Variants in ZNF727 observed in about 807,000 individuals in gnomAD.
ZNF727 encodes the protein zinc finger protein 727, also known as putative zinc finger protein 727.
Under a neutral mutation model 11.5 loss-of-function variants are expected in ZNF727, and 11 were observed. The observed-to-expected ratio is 0.95, with a 90% CI of 0.60 to 1.58. The LOEUF (loss-of-function observed/expected upper bound fraction) is 1.58, where lower values mean the gene tolerates loss of function less well. Among genes scored for constraint, ZNF727 ranks in the 40% most tolerant of loss-of-function variants. ZNF727 has a pLI of 0.00. For missense variants in ZNF727, 533 were observed against 581.7 expected (o/e 0.92, Z 0.86); for synonymous variants, 171 against 196.1 (o/e 0.87, Z 1.07).
Position 64,069,003 on chromosome 7 carries a change from A to G in ZNF727, c.116A>G (p.Asn39Ser). 5 of 1,603,036 alleles carry G rather than the reference A, an allele frequency of 3.1e-6. No homozygotes were observed. The highest frequency in any genetic ancestry group is 1.3e-5 in the African/African-American group (1 of 74,502). ...YRDVMLENYG[N>S]LFSLGLAIFK... is the part of the protein sequence containing the mutation. ...GATGTGATGTTAGAGAACTACGGAA[A>G]CCTGTTCTCCTTGGGTGAGAATAAC... The change falls in exon 2 of 4, where the codon AAC becomes AGC. Residue 39 changes from asparagine (N) to serine (S), a missense_variant. This residue lies in a region of ZNF727 where 463 missense variants were observed against 494.5 expected (regional missense o/e 0.94). Transcript: ENST00000456806.
intron 1 of ZNF727, among the ~76,000 whole-genome samples, chr7:64,048,097 G>A (rs547435519): frequency 1.3e-5 from 2 of 152,204 alleles, no homozygotes; most frequent in Non-Finnish European, 2.9e-5. Flanking sequence ...ACTTCACCCC[G>A]TGTTTGTTGC....
At chr7:64,058,045 A>C (rs532461859) in intron 1 of ZNF727, among the ~76,000 whole-genome samples, 1 of 152,284 alleles carries the variant, frequency 6.6e-6, no homozygotes, top group South Asian at 2.1e-4. Flanking sequence ...GGGTTACTCA[A>C]AAGAAAATGG....
intron 1 of ZNF727, among the ~76,000 whole-genome samples, chr7:64,054,529 C>T (rs1245041504): frequency 6.6e-6 from 1 of 152,138 alleles, no homozygotes; most frequent in Non-Finnish European, 1.5e-5. Context: ...TGTTATTTTG[C>T]TATGACAAAT....
chr7:64,067,764 C>G (rs1789892940), intron 1 of ZNF727, among the ~76,000 whole-genome samples: 1 of 152,054 alleles, frequency 6.6e-6, no homozygotes, highest in African/African-American at 2.4e-5. Context: ...GGAGGGAGAG[C>G]ATTAGGACAA....
At chr7:64,077,014 GAAATACT>G (rs1272858249) in intron 3 of ZNF727, among the ~76,000 whole-genome samples, 2 of 152,144 alleles carry the variant, frequency 1.3e-5, no homozygotes, top group African/African-American at 4.8e-5. Flanking sequence ...GGGTAAATAT[GAAATACT>G]TTTATTACAC....
At chr7:64,074,969 AT>A (rs1790018463) in intron 3 of ZNF727, among the ~76,000 whole-genome samples, 1 of 151,706 alleles carries the variant, frequency 6.6e-6, no homozygotes, top group African/African-American at 2.4e-5. Context: ...TTTCTTTCTG[AT>A]TTGCTGTATA....
In ZNF727 at chr7:64,084,408, C is replaced by G. The variant is rs1785841242; in HGVS notation, c.*5859C>G. 6.6e-6 allele frequency among the ~76,000 whole-genome samples: 1 copy of G among 152,122 alleles called. No homozygotes were observed. The highest frequency in any genetic ancestry group is 2.4e-5 in the African/African-American group (1 of 41,434). On this transcript the variant is annotated 3_prime_UTR_variant, in exon 4 of 4. Coordinates refer to ENST00000456806, the MANE Select transcript of ZNF727 (RefSeq NM_001159522.3). ...AGGCTATTTTACACTGAATGTGTAT[C>G]TTGCCACTGATGTTAACTTATCCCA...
rs528294365 is a variant in ZNF727, at chr7:64,057,561, C to T, written c.4-11330C>T. On this transcript the variant is annotated intron_variant, in intron 1 of 3. Coordinates refer to ENST00000456806, the MANE Select transcript of ZNF727 (RefSeq NM_001159522.3). The stretch of plus-strand genomic sequence containing the variant: ...ACACACCCTGGGGCCTGTCAGGGGG[C>T]GGGGAGAGCATCAGGAAGAACAGCG... Among the ~76,000 whole-genome samples the T allele has an allele frequency of 1.1e-3, 161 of 151,994 alleles. 1 individual carries two copies. The highest frequency in any genetic ancestry group is 3.8e-3 in the African/African-American group (159 of 41,440).
At chr7:64,063,097 G>GTT (rs1554349899) in intron 1 of ZNF727, among the ~76,000 whole-genome samples, 1 of 151,498 alleles carries the variant, frequency 6.6e-6, no homozygotes, top group Non-Finnish European at 1.5e-5. Flanking sequence ...ACATATCTCT[G>GTT]TCTCAGGATT....
At chr7:64,055,017 T>C (rs1486528951) in intron 1 of ZNF727, among the ~76,000 whole-genome samples, 1 of 152,166 alleles carries the variant, frequency 6.6e-6, no homozygotes, top group African/African-American at 2.4e-5. Context: ...TGTCATCTTT[T>C]CCCCCTCATT....
intron 1 of ZNF727, among the ~76,000 whole-genome samples, chr7:64,050,181 T>C (rs2116267206): frequency 6.6e-6 from 1 of 152,190 alleles, no homozygotes; most frequent in African/African-American, 2.4e-5. Context: ...TTGAAAAATA[T>C]TTGGGCTTTT....
At chr7:64,057,531 G>A (rs1262313380) in intron 1 of ZNF727, among the ~76,000 whole-genome samples, 2 of 152,014 alleles carry the variant, frequency 1.3e-5, no homozygotes, top group African/African-American at 2.4e-5. Context: ...CACCTTGGGG[G>A]AACAACACAC....
At chr7:64,054,352 C>T (rs562588082) in intron 1 of ZNF727, among the ~76,000 whole-genome samples, 3 of 152,284 alleles carry the variant, frequency 2.0e-5, no homozygotes, top group South Asian at 2.1e-4. Context: ...TTGCTATAAT[C>T]GCATCCTCAC....
intron 1 of ZNF727, among the ~76,000 whole-genome samples, chr7:64,048,915 G>A (rs1261603687): frequency 1.3e-5 from 2 of 152,138 alleles, no homozygotes; most frequent in South Asian, 2.1e-4. Context: ...TGGTGGCCAA[G>A]CCTGCAGAAA....
intron 1 of ZNF727, among the ~76,000 whole-genome samples, chr7:64,063,891 T>C (rs1837340): frequency 0.65 from 98,825 of 151,802 alleles, 32,649 homozygotes; most frequent in Non-Finnish European, 0.7. Flanking sequence ...TAAGAAGCCA[T>C]TCCCCATTGT....
intron 1 of ZNF727, among the ~76,000 whole-genome samples, chr7:64,049,647 T>G (rs1017569727): frequency 2.6e-5 from 4 of 151,764 alleles, no homozygotes; most frequent in African/African-American, 9.7e-5. Context: ...GGAAACATTT[T>G]TAATGTGGAA....
chr7:64,077,163 TG>T, intron 3 of ZNF727, 112 bp from the exon 4 acceptor site: 1 of 1,048,420 alleles, frequency 9.5e-7, no homozygotes, highest in African/African-American at 1.6e-5. Context: ...GTAGAGCCTG[TG>T]GTATTTTATT....
In ZNF727 at chr7:64,079,508, C is replaced by T. The variant is rs538284398; in HGVS notation, c.*959C>T. On this transcript the variant is annotated 3_prime_UTR_variant, in exon 4 of 4. Coordinates refer to ENST00000456806, the MANE Select transcript of ZNF727 (RefSeq NM_001159522.3). ...TTTTGTCAGAAACTAGGATTGTAATCCTTGCTTTTTTACTGTTTTCTATTT... is the reference window on the plus strand; with the variant it reads ...TTTTGTCAGAAACTAGGATTGTAATTCTTGCTTTTTTACTGTTTTCTATTT... 1.3e-5 allele frequency among the ~76,000 whole-genome samples: 2 copies of T among 152,034 alleles called. No homozygotes were observed. Among genetic ancestry groups the T allele is most frequent in the Non-Finnish European group, 2.9e-5 (2 of 67,992 alleles).
At chr7:64,066,639 A>C (rs1355898308) in intron 1 of ZNF727, among the ~76,000 whole-genome samples, 1 of 152,188 alleles carries the variant, frequency 6.6e-6, no homozygotes, top group Non-Finnish European at 1.5e-5. Flanking sequence ...TACACCTTAC[A>C]CAAAAATTAA....
Sources: gnomAD v4.1 joint callset for allele counts (sites outside exome capture counted in the v4.1 genomes callset) on GRCh38, gnomAD v4.1.1 for gene constraint, gnomAD v4.1.1 regional missense constraint, MANE v1.5 for transcripts, NCBI Gene and HGNC (gene_info 2026-07-23, HGNC 2026-07-21) for gene names.